SYT10: variants seen among roughly 807,000 people sequenced by gnomAD.
SYT10 encodes synaptotagmin-10.
SYT10 carries 31 observed loss-of-function variants against 51.1 expected under a neutral mutation model. That is an observed-to-expected ratio of 0.61 (90% CI 0.46 to 0.82). The LOEUF is 0.82. Ranked by LOEUF, SYT10 falls within the 40% of genes least tolerant of loss-of-function variation. The pLI is 0.00. For synonymous variants in SYT10, 233 were observed against 225.9 expected (o/e 1.03, Z -0.28); for missense variants, 603 against 634.0 (o/e 0.95, Z 0.53).
At chr12:33,377,056 T>A (rs1399455303) in intron 6 of SYT10, among the ~76,000 whole-genome samples, 155 bp from the exon 7 acceptor site, 4 of 152,152 alleles carry the variant, frequency 2.6e-5, no homozygotes, top group Non-Finnish European at 5.9e-5. Context: ...GAACTTACCT[T>A]CTCTGCTACC....
At chr12:33,392,656 C>T (rs971110427) in intron 3 of SYT10, among the ~76,000 whole-genome samples, 2 of 151,942 alleles carry the variant, frequency 1.3e-5, no homozygotes, top group Non-Finnish European at 2.9e-5. Context: ...TTAGCAGGAC[C>T]TCCTTGTGTT....
chr12:33,385,374 T>C, intron 3 of SYT10, 83 bp from the exon 4 acceptor site: 3 of 1,530,372 alleles, frequency 2.0e-6, no homozygotes, highest in Non-Finnish European at 2.6e-6. Flanking sequence ...AATACTGGAA[T>C]GTCATTTTAA....
chr12:33,379,549 C>CAAAAAAAAAAAAAAAAAA (rs71068377), intron 6 of SYT10, among the ~76,000 whole-genome samples: 1 of 22,058 alleles, frequency 4.5e-5, no homozygotes, highest in Non-Finnish European at 6.8e-5. Flanking sequence ...TCAGGCTATG[C>CAAAAAAAAAAAAAAAAAA]AAAAAAAAAA....
At chr12:33,428,314 A>C (rs1281027778) in intron 1 of SYT10, among the ~76,000 whole-genome samples, 4 of 152,242 alleles carry the variant, frequency 2.6e-5, no homozygotes, top group African/African-American at 9.6e-5. Context: ...AATCCATAGA[A>C]GATAAATGTT....
intron 4 of SYT10, among the ~76,000 whole-genome samples, chr12:33,383,224 G>A (rs1054760496): frequency 3.3e-5 from 5 of 152,028 alleles, no homozygotes; most frequent in African/African-American, 9.7e-5. Flanking sequence ...AAGCAGGCAC[G>A]GTTTTGGGAG....
chr12:33,419,346 G>A (rs752857878), intron 2 of SYT10, among the ~76,000 whole-genome samples: 1 of 151,952 alleles, frequency 6.6e-6, no homozygotes, highest in South Asian at 2.1e-4. Context: ...TGACATAAGT[G>A]TTCAATAAAT....
chr12:33,376,806 T>C lies in SYT10; in HGVS notation c.*24A>G, dbSNP rs2138376827. The stretch of plus-strand genomic sequence containing the variant: ...TGAGCACGTGATCCTAGATGCTTAA[T>C]ATCATGGTCTCATTTTGGAGGCATT... On this transcript the variant is annotated 3_prime_UTR_variant, in exon 7 of 7. Transcript: ENST00000228567. 3 of 1,613,500 alleles carry C rather than the reference T, an allele frequency of 1.9e-6. No individual in the cohort carries two copies. Among genetic ancestry groups the C allele is most frequent in the Non-Finnish European group, 2.5e-6 (3 of 1,179,474 alleles).
In SYT10 at chr12:33,428,329, A is replaced by T. The variant is rs576625512; in HGVS notation, c.152-1834T>A. Among the ~76,000 whole-genome samples the T allele has an allele frequency of 1.3e-3, 196 of 152,352 alleles. 2 individuals carry two copies. The highest frequency in any genetic ancestry group is 2.2e-3 in the Non-Finnish European group (151 of 68,034). On this transcript the variant is annotated intron_variant, in intron 1 of 6. Coordinates refer to ENST00000228567, the MANE Select transcript of SYT10 (RefSeq NM_198992.4). ...AATCCATAGAAGATAAATGTTCCTC[A>T]ACAGAATCCTGAGTACAACAATATT... is the stretch of plus-strand genomic sequence containing the variant.
intron 2 of SYT10, among the ~76,000 whole-genome samples, chr12:33,421,823 G>A (rs1023070200): frequency 2.0e-5 from 3 of 152,084 alleles, no homozygotes; most frequent in South Asian, 4.1e-4. Flanking sequence ...ACTCTCAGAT[G>A]CATTTTTCTT....
At chr12:33,416,351 G>A (rs1866453707) in intron 2 of SYT10, among the ~76,000 whole-genome samples, 1 of 152,072 alleles carries the variant, frequency 6.6e-6, no homozygotes, top group African/African-American at 2.4e-5. Flanking sequence ...CCAAAGTGCT[G>A]GGATTACAAG....
chr12:33,404,964 A>C (rs1481601774), intron 3 of SYT10: 1 of 152,206 alleles, frequency 6.6e-6, no homozygotes, highest in Non-Finnish European at 1.5e-5. Context: ...AAGTTTCCAC[A>C]AGGAACTCCT....
At chr12:33,426,589 C>A in intron 1 of SYT10, 94 bp from the exon 2 acceptor site, 2 of 1,111,476 alleles carry the variant, frequency 1.8e-6, no homozygotes, top group Non-Finnish European at 2.4e-6. Flanking sequence ...GTTATTATTT[C>A]CTGATTCAGA....
intron 3 of SYT10, among the ~76,000 whole-genome samples, chr12:33,393,218 G>A (rs1297988248): frequency 6.6e-6 from 1 of 151,942 alleles, no homozygotes; most frequent in Non-Finnish European, 1.5e-5. Flanking sequence ...AGAGGGAATA[G>A]CCCAACATAG....
chr12:33,406,870 T>C lies in SYT10; in HGVS notation c.996A>G (p.Glu332=). The C allele has an allele frequency of 6.2e-7, 1 of 1,614,082 alleles. No homozygotes were observed. Among genetic ancestry groups the C allele is most frequent in the Non-Finnish European group, 8.5e-7 (1 of 1,180,008 alleles). ...CTTCAAACAAATTATCAAGAATCACTTCCCCAATCATGTCATGTCTAGAAA... is the reference window on the plus strand; with the variant it reads ...CTTCAAACAAATTATCAAGAATCACCTCCCCAATCATGTCATGTCTAGAAA... ...DRFSRHDMIG[E]VILDNLFEVS... The change falls in exon 3 of 7, where the codon GAA becomes GAG. Residue 332 remains glutamate (E), a synonymous_variant. Transcript: ENST00000228567.
intron 3 of SYT10, chr12:33,406,042 T>C (rs1237138880): frequency 6.6e-6 from 1 of 152,052 alleles, no homozygotes; most frequent in East Asian, 1.9e-4. Flanking sequence ...ATGGTCTTAA[T>C]ATTTTAAAAT....
intron 2 of SYT10, among the ~76,000 whole-genome samples, chr12:33,418,944 A>G (rs1866477569): frequency 1.3e-5 from 2 of 152,062 alleles, no homozygotes; most frequent in South Asian, 4.1e-4. Flanking sequence ...ACTCAGAGTA[A>G]AAGTCAAAAA....
At chr12:33,411,486 G>A (rs904908196) in intron 2 of SYT10, among the ~76,000 whole-genome samples, 1 of 151,764 alleles carries the variant, frequency 6.6e-6, no homozygotes, top group African/African-American at 2.4e-5. Context: ...TATTTTATTG[G>A]AAATGACATA....
intron 3 of SYT10, chr12:33,405,572 C>T (rs1019706005): frequency 1.8e-4 from 28 of 151,820 alleles, no homozygotes; most frequent in African/African-American, 5.8e-4. Context: ...ATAATTATCC[C>T]ACATACTGAT....
intron 3 of SYT10, among the ~76,000 whole-genome samples, chr12:33,394,244 G>C (rs1203356432): frequency 1.3e-5 from 2 of 152,140 alleles, no homozygotes; most frequent in Admixed American, 1.3e-4. Context: ...AATAAAATGG[G>C]TATCCAGTCA....
Sources: gnomAD v4.1 joint callset for allele counts (sites outside exome capture counted in the v4.1 genomes callset) on GRCh38, gnomAD v4.1.1 for gene constraint, MANE v1.5 for transcripts, NCBI Gene and HGNC (gene_info 2026-07-23, HGNC 2026-07-21) for gene names.